SGMS2: variants seen among roughly 807,000 people sequenced by gnomAD.
SGMS2 encodes the protein phosphatidylcholine:ceramide cholinephosphotransferase 2.
A neutral mutation model predicts 43.8 loss-of-function variants in SGMS2; 21 were observed. That is an observed-to-expected ratio of 0.48 (90% confidence interval 0.34 to 0.69). The LOEUF (loss-of-function observed/expected upper bound fraction) is 0.69. Among genes scored for constraint, SGMS2 ranks in the 30% least tolerant of loss-of-function variants. The pLI is 0.01. For synonymous variants in SGMS2, 167 were observed against 160.6 expected (o/e 1.04, Z -0.30); for missense variants, 384 against 443.2 (o/e 0.87, Z 1.20).
Position 107,895,656 on chromosome 4 carries a change from A to G in SGMS2, c.103A>G (p.Asn35Asp), listed in dbSNP as rs754329411. ...ACCCGCTGAACCTGTTGAAGAAGAA[A>G]ACAAAAATGGCAATGGTAAACCCAA... ...ARPAEPVEEE[N>D]KNGNGKPKSL... Residue 35 changes from asparagine to aspartate, a missense_variant, in exon 3 of 7, where the codon AAC becomes GAC. Physicochemically the swap from Asn to Asp is conservative, Grantham distance 23. Transcript: ENST00000690982. The G allele has an allele frequency of 6.2e-7, 1 of 1,614,040 alleles. No homozygotes were observed. The highest frequency in any genetic ancestry group is 1.7e-5 in the Admixed American group (1 of 59,976).
At chr4:107,825,627 T>TTTG (rs1553927097) in intron 1 of SGMS2, among the ~76,000 whole-genome samples, 8 of 131,532 alleles carry the variant, frequency 6.1e-5, no homozygotes, top group African/African-American at 2.1e-4. Context: ...TCTCTTTTTT[T>TTTG]TTTTTTTTTT....
intron 2 of SGMS2, among the ~76,000 whole-genome samples, chr4:107,888,061 C>A (rs891532842): frequency 6.6e-6 from 1 of 152,086 alleles, no homozygotes; most frequent in Non-Finnish European, 1.5e-5. Context: ...AAAATCAGTT[C>A]CTACAGTCTC....
chr4:107,862,383 T>C (rs1560644562), intron 2 of SGMS2, among the ~76,000 whole-genome samples: 1 of 152,238 alleles, frequency 6.6e-6, no homozygotes, highest in Non-Finnish European at 1.5e-5. Flanking sequence ...AAGCTACTTA[T>C]ATTGTGCTAA....
chr4:107,905,246 C>T (rs539787994), intron 5 of SGMS2, among the ~76,000 whole-genome samples: 27 of 152,210 alleles, frequency 1.8e-4, no homozygotes, highest in Middle Eastern at 3.4e-3. Flanking sequence ...TGGCAGCAGA[C>T]GAGAAAATGA....
At chr4:107,908,382 C>T (rs147979862) in intron 5 of SGMS2, among the ~76,000 whole-genome samples, 183 bp from the exon 6 acceptor site, 1 of 152,324 alleles carries the variant, frequency 6.6e-6, no homozygotes, top group Non-Finnish European at 1.5e-5. Context: ...GGGAGCCCCT[C>T]TGCCTCCCTC....
chr4:107,881,346 G>A (rs1729332594), intron 2 of SGMS2, among the ~76,000 whole-genome samples: 1 of 152,096 alleles, frequency 6.6e-6, no homozygotes, highest in African/African-American at 2.4e-5. Context: ...GGTACTAGAG[G>A]CAGTGGTATA....
At chr4:107,883,159 TG>T (rs1729491333) in intron 2 of SGMS2, among the ~76,000 whole-genome samples, 1 of 152,172 alleles carries the variant, frequency 6.6e-6, no homozygotes, top group Non-Finnish European at 1.5e-5. Flanking sequence ...CTGCCGTCAA[TG>T]AGCTTCAGAT....
At chr4:107,840,474 A>G (rs1472566714) in intron 1 of SGMS2, among the ~76,000 whole-genome samples, 2 of 152,198 alleles carry the variant, frequency 1.3e-5, no homozygotes, top group Non-Finnish European at 2.9e-5. Context: ...TAGACTGTTC[A>G]TAGCCTCATC....
intron 2 of SGMS2, among the ~76,000 whole-genome samples, chr4:107,869,840 T>C (rs1728422891): frequency 6.6e-6 from 1 of 152,202 alleles, no homozygotes; most frequent in African/African-American, 2.4e-5. Flanking sequence ...TTTGAGATTT[T>C]CTATTATAAA....
intron 2 of SGMS2, among the ~76,000 whole-genome samples, chr4:107,874,714 A>G (rs1412794720): frequency 6.6e-6 from 1 of 152,156 alleles, no homozygotes; most frequent in Non-Finnish European, 1.5e-5. Flanking sequence ...ATAGATAAAT[A>G]TTGTATATTT....
At chr4:107,893,387 G>A (rs1730402257) in intron 2 of SGMS2, 1 of 152,246 alleles carries the variant, frequency 6.6e-6, no homozygotes, top group African/African-American at 2.4e-5. Context: ...GATGCTGTAA[G>A]TGGATTAGGC....
In SGMS2 at chr4:107,913,763, A is replaced by G. The variant is rs1028984315; in HGVS notation, c.*3210A>G. 1.3e-5 allele frequency: 2 copies of G among 152,132 alleles called. No individual in the cohort carries two copies. Among genetic ancestry groups the G allele is most frequent in the Non-Finnish European group, 2.9e-5 (2 of 68,014 alleles). 9.4% of individuals were successfully genotyped at this position (152,132 alleles called of 1,614,324 possible). A position where few individuals can be genotyped will look rare whatever the true frequency, so the allele number is the denominator to read the frequency against. On this transcript the variant is annotated 3_prime_UTR_variant, in exon 7 of 7. Transcript: ENST00000690982. Reference sequence around the variant, plus strand: ...ATCACAATCATTAGTGTCTCCCTTTATAACGACCTATGTTTTGTTTACTTT... The same window carrying G: ...ATCACAATCATTAGTGTCTCCCTTTGTAACGACCTATGTTTTGTTTACTTT...
At chr4:107,868,517 G>C (rs1728298502) in intron 2 of SGMS2, among the ~76,000 whole-genome samples, 1 of 152,174 alleles carries the variant, frequency 6.6e-6, no homozygotes, top group Non-Finnish European at 1.5e-5. Context: ...AGGAGTTTGA[G>C]ATCAGCCTGG....
intron 3 of SGMS2, among the ~76,000 whole-genome samples, chr4:107,899,177 A>G (rs1273271945): frequency 1.3e-5 from 2 of 152,100 alleles, no homozygotes; most frequent in African/African-American, 4.8e-5. Context: ...TTCCTTTCAT[A>G]TGTTCTCAAG....
At chr4:107,903,112 T>A in intron 4 of SGMS2, 121 bp from the exon 5 acceptor site, 2 of 912,974 alleles carry the variant, frequency 2.2e-6, no homozygotes, top group South Asian at 3.0e-5. Flanking sequence ...TTTTTGACTT[T>A]CTAGGTTAAA....
At chr4:107,868,845 T>C (rs1258862144) in intron 2 of SGMS2, among the ~76,000 whole-genome samples, 1 of 152,192 alleles carries the variant, frequency 6.6e-6, no homozygotes, top group African/African-American at 2.4e-5. Context: ...TGTACCTGCC[T>C]TTAGCACCCC....
At chr4:107,899,397 G>A (rs1730935333) in intron 3 of SGMS2, among the ~76,000 whole-genome samples, 178 bp from the exon 4 acceptor site, 1 of 152,142 alleles carries the variant, frequency 6.6e-6, no homozygotes, top group Non-Finnish European at 1.5e-5. Flanking sequence ...ATCTCTCCAT[G>A]AAACTGTAGG....
chr4:107,891,136 C>G (rs939901942), intron 2 of SGMS2, among the ~76,000 whole-genome samples: 1 of 144,700 alleles, frequency 6.9e-6, no homozygotes, highest in East Asian at 2.0e-4. Context: ...TTCTCCCCCC[C>G]ATTATACCAC....
intron 2 of SGMS2, among the ~76,000 whole-genome samples, chr4:107,875,580 G>A (rs1443165542): frequency 6.6e-6 from 1 of 152,120 alleles, no homozygotes; most frequent in African/African-American, 2.4e-5. Context: ...ATACCTGGGT[G>A]ATGAAATAAT....
Sources: gnomAD v4.1 joint callset for allele counts (sites outside exome capture counted in the v4.1 genomes callset) on GRCh38, gnomAD v4.1.1 for gene constraint, MANE v1.5 for transcripts, NCBI Gene and HGNC (gene_info 2026-07-23, HGNC 2026-07-21) for gene names.